ANK3: variants seen among roughly 807,000 people sequenced by gnomAD.
ANK3 encodes the protein ankyrin 3.
Under a neutral mutation model 370.9 loss-of-function variants are expected in ANK3, and 57 were observed. The observed-to-expected ratio is 0.15, with a 90% CI of 0.12 to 0.19. ANK3 has a LOEUF of 0.19. Ranked by LOEUF, ANK3 falls within the 10% of genes least tolerant of loss-of-function variation. The probability of loss-of-function intolerance (pLI) is 1.00; values close to 1 mark genes in which losing one functional copy is unlikely to be tolerated. For missense variants in ANK3, 4,439 were observed against 5,302.1 expected (o/e 0.84, Z 5.06); for synonymous variants, 1,929 against 1,946.3 (o/e 0.99, Z 0.23).
chr10:60,713,868 AAAAAAG>A (rs201221784), intron 1 of ANK3, among the ~76,000 whole-genome samples: 4 of 152,142 alleles, frequency 2.6e-5, no homozygotes, highest in South Asian at 2.1e-4. Context: ...TCCGTCTCAA[AAAAAAG>A]AAAAAGAAAA....
chr10:60,383,347 A>C (rs750313203), intron 1 of ANK3, among the ~76,000 whole-genome samples: 4 of 152,134 alleles, frequency 2.6e-5, no homozygotes, highest in Non-Finnish European at 5.9e-5. Context: ...ACCCCATTAC[A>C]ACCCTATCCT....
intron 24 of ANK3, 119 bp from the exon 25 acceptor site, chr10:60,134,492 T>C (rs1034901997): frequency 5.9e-6 from 4 of 673,852 alleles, no homozygotes; most frequent in Admixed American, 6.5e-5. Context: ...ACAAAAGTTG[T>C]TCTTGAAAGG....
In ANK3 at chr10:60,075,493, G is replaced by A. The variant is rs369319841; in HGVS notation, c.5388C>T (p.Ser1796=). 103 of 1,613,040 alleles carry A rather than the reference G, an allele frequency of 6.4e-5. No homozygotes were observed. Among genetic ancestry groups the A allele is most frequent in the Non-Finnish European group, 7.4e-5 (87 of 1,179,986 alleles). ...PSAFQSLRTP[S]ASALYTSLGS... Reference sequence around the variant, plus strand: ...CAAGGGATGTATAGAGTGCACTTGCGGAAGGAGTTCTTAGAGACTGAAAAG... The same window carrying A: ...CAAGGGATGTATAGAGTGCACTTGCAGAAGGAGTTCTTAGAGACTGAAAAG... Residue 1796 remains serine, a synonymous_variant, in exon 37 of 44, where the codon TCC becomes TCT. Transcript: ENST00000280772.
chr10:60,626,755 G>A (rs927843930), intron 1 of ANK3, among the ~76,000 whole-genome samples: 3 of 152,164 alleles, frequency 2.0e-5, no homozygotes, highest in African/African-American at 7.2e-5. Flanking sequence ...AAAAGACAGT[G>A]GGAATGAGGT....
chr10:60,570,454 T>C (rs1353716200), intron 2 of ANK3, among the ~76,000 whole-genome samples: 1 of 152,158 alleles, frequency 6.6e-6, no homozygotes, highest in African/African-American at 2.4e-5. Context: ...CCCAGTGGGC[T>C]GGCACAGAAA....
intron 1 of ANK3, among the ~76,000 whole-genome samples, chr10:60,693,809 C>T (rs1457135403): frequency 6.6e-6 from 1 of 152,172 alleles, no homozygotes; most frequent in Non-Finnish European, 1.5e-5. Flanking sequence ...AAAAACAGAG[C>T]AGAAAAACTG....
intron 23 of ANK3, among the ~76,000 whole-genome samples, chr10:60,159,814 C>T (rs748600423): frequency 1.3e-5 from 2 of 152,002 alleles, no homozygotes; most frequent in Non-Finnish European, 2.9e-5. Flanking sequence ...TGCTCCTGAA[C>T]GACCATTATG....
intron 43 of ANK3, among the ~76,000 whole-genome samples, chr10:60,033,121 A>G (rs2074071042): frequency 6.6e-6 from 1 of 152,254 alleles, no homozygotes; most frequent in Non-Finnish European, 1.5e-5. Flanking sequence ...TATGCCTTTC[A>G]AACCTAAAGG....
At chr10:60,167,658 T>G (rs540149846) in intron 21 of ANK3, among the ~76,000 whole-genome samples, 3,750 of 137,798 alleles carry the variant, frequency 0.027, 117 homozygotes, top group African/African-American at 0.095. Flanking sequence ...AAAAGTGAGT[T>G]TTTTTTTTGT....
chr10:60,084,871 T>C, intron 31 of ANK3, 41 bp from the exon 32 acceptor site: 1 of 1,411,036 alleles, frequency 7.1e-7, no homozygotes, highest in Admixed American at 2.5e-5. Context: ...ATGTGGCTAT[T>C]TAAAAGCCAA....
chr10:60,394,706 C>T (rs928127391), upstream of ANK3, among the ~76,000 whole-genome samples: 1 of 152,184 alleles, frequency 6.6e-6, no homozygotes, highest in Non-Finnish European at 1.5e-5. Flanking sequence ...AAGGAGTAGA[C>T]TGGTAGTGCC....
At chr10:60,498,307 T>C (rs1256658292) in intron 2 of ANK3, among the ~76,000 whole-genome samples, 2 of 152,194 alleles carry the variant, frequency 1.3e-5, no homozygotes, top group African/African-American at 2.4e-5. Context: ...AGTAAATATG[T>C]TGACTCTGGG....
intron 2 of ANK3, among the ~76,000 whole-genome samples, chr10:60,486,695 C>T (rs935610547): frequency 1.3e-5 from 2 of 152,142 alleles, no homozygotes; most frequent in African/African-American, 4.8e-5. Flanking sequence ...GCAGTCAAGA[C>T]TTTATTCTTA....
Position 60,145,984 on chromosome 10 carries a change from T to A in ANK3, c.2615-6897A>T, listed in dbSNP as rs1014169211. The stretch of plus-strand genomic sequence containing the variant: ...GAGACTTACTTTTCACCGTAAACTC[T>A]TGTACCTTGGGAATTTTGTACCATG... On this transcript the variant is annotated intron_variant, in intron 23 of 43. Transcript: ENST00000280772. The A allele has an allele frequency of 3.9e-6, 4 of 1,019,638 alleles. No individual in the cohort carries two copies. The East Asian group carries it at 1.0e-4, about 26-fold the overall frequency. 63.2% of individuals were successfully genotyped at this position (1,019,638 alleles called of 1,614,324 possible). A position where few individuals can be genotyped will look rare whatever the true frequency, so the allele number is the denominator to read the frequency against.
intron 7 of ANK3, among the ~76,000 whole-genome samples, chr10:60,256,950 T>G (rs2097748288): frequency 6.6e-6 from 1 of 152,250 alleles, no homozygotes; most frequent in Non-Finnish European, 1.5e-5. Context: ...ACGTATTTTT[T>G]GGCAAGACAA....
intron 2 of ANK3, among the ~76,000 whole-genome samples, chr10:60,609,364 TC>T (rs2078171610): frequency 6.6e-6 from 1 of 152,110 alleles, no homozygotes; most frequent in Non-Finnish European, 1.5e-5. Context: ...GAGCTTGTGA[TC>T]AAGAGCTATT....
chr10:60,130,243 C>T (rs1346555579), intron 25 of ANK3, among the ~76,000 whole-genome samples: 1 of 152,170 alleles, frequency 6.6e-6, no homozygotes, highest in Non-Finnish European at 1.5e-5. Context: ...TCCACATGTG[C>T]CTTCAGCCAG....
At chr10:60,535,282 A>G (rs2076698114) in intron 2 of ANK3, among the ~76,000 whole-genome samples, 1 of 152,126 alleles carries the variant, frequency 6.6e-6, no homozygotes, top group African/African-American at 2.4e-5. Flanking sequence ...TATATGAGCC[A>G]CATCCAGAAA....
At chr10:60,300,481 C>A in intron 1 of ANK3, 1 of 1,275,712 alleles carries the variant, frequency 7.8e-7, no homozygotes, top group Non-Finnish European at 1.0e-6. Context: ...GAGGTAGGAG[C>A]TGGTCAGAAG....
Sources: gnomAD v4.1 joint callset for allele counts (sites outside exome capture counted in the v4.1 genomes callset) on GRCh38, gnomAD v4.1.1 for gene constraint, MANE v1.5 for transcripts, NCBI Gene and HGNC (gene_info 2026-07-23, HGNC 2026-07-21) for gene names.